Variants in CCNH observed in about 807,000 individuals in gnomAD.
CCNH encodes cyclin H.
Under a neutral mutation model 41.9 loss-of-function variants are expected in CCNH, and 31 were observed. The ratio of observed to expected loss-of-function variants is 0.74; its 90% CI spans 0.56 to 1.00. CCNH has a LOEUF of 1.00. CCNH is among the 50% of genes least tolerant of loss of function. The pLI is 0.00. For missense variants in CCNH, 362 were observed against 388.4 expected (o/e 0.93, Z 0.57); for synonymous variants, 138 against 136.1 (o/e 1.01, Z -0.10).
chr5:87,327,408 T>C (rs865856829), intron 9 of CCNH, among the ~76,000 whole-genome samples: 1 of 152,220 alleles, frequency 6.6e-6, no homozygotes, highest in Middle Eastern at 3.2e-3. Flanking sequence ...GAGGTTGAGA[T>C]AGAAATTAAT....
intron 9 of CCNH, among the ~76,000 whole-genome samples, chr5:87,335,419 GTTTTTTT>G (rs34986349): frequency 8.2e-5 from 6 of 72,888 alleles, no homozygotes; most frequent in African/African-American, 3.3e-4. Flanking sequence ...AAAGAATGAG[GTTTTTTT>G]TTTTTTTTTT....
chr5:87,387,786 A>G (rs891486288), downstream of CCNH, among the ~76,000 whole-genome samples: 1 of 152,174 alleles, frequency 6.6e-6, no homozygotes, highest in Admixed American at 6.5e-5. Flanking sequence ...CTCCATATTT[A>G]TAGTGAAATT....
rs777089189 is a variant in CCNH at position 87,401,778 on chromosome 5, A to G, written c.690-6T>C. ...TCAGACTCTCTGATAAATAACTAGT[A>G]AAGAAAAGAAAAAAAAATCTATTGA... On this transcript the variant is annotated splice_polypyrimidine_tract_variant and splice_region_variant and intron_variant, in intron 5 of 8. Coordinates refer to ENST00000256897, the MANE Select transcript of CCNH (RefSeq NM_001239.4). 3 of 1,528,078 alleles carry G rather than the reference A, an allele frequency of 2.0e-6. No homozygotes were observed. In the African/African-American group the frequency reaches 4.2e-5, roughly 21 times the overall value. The allele number at this position is 1,528,078 out of a possible 1,614,324, so 94.7% of individuals were successfully genotyped here.
intron 9 of CCNH, chr5:87,366,507 G>A: frequency 4.9e-6 from 1 of 203,122 alleles, no homozygotes; most frequent in Non-Finnish European, 1.1e-5. Context: ...TTAGTAACAA[G>A]AAAGGAGTTT....
At chr5:87,376,569 T>C (rs1434180714) in exon 1 of CCNH, 1 of 1,611,154 alleles carries the variant, frequency 6.2e-7, no homozygotes, top group Non-Finnish European at 8.5e-7. Flanking sequence ...TAAAGAGGTA[T>C]TAAATTATTT....
At chr5:87,353,105 G>A in intron 9 of CCNH, 1 of 1,422,832 alleles carries the variant, frequency 7.0e-7, no homozygotes. Flanking sequence ...TATTTTTAAA[G>A]ATTTTGCAGT....
intron 7 of CCNH, 44 bp downstream of exon 7, chr5:87,399,350 G>T: frequency 7.3e-7 from 1 of 1,361,728 alleles, no homozygotes; most frequent in Non-Finnish European, 1.1e-6. Flanking sequence ...AGCTGGACTG[G>T]ATAACAGTTA....
intron 9 of CCNH, among the ~76,000 whole-genome samples, chr5:87,366,821 CAG>C (rs1760558713): frequency 6.6e-6 from 1 of 152,102 alleles, no homozygotes; most frequent in Non-Finnish European, 1.5e-5. Flanking sequence ...CGCTTAAGCT[CAG>C]GGGTTGGAGA....
At chr5:87,387,534 G>GT (rs1391718396), downstream of CCNH, among the ~76,000 whole-genome samples, 1 of 152,110 alleles carries the variant, frequency 6.6e-6, no homozygotes, top group Non-Finnish European at 1.5e-5. Flanking sequence ...AAACTTATTA[G>GT]TAATTCAGTT....
intron 4 of CCNH, 84 bp from the exon 5 acceptor site, chr5:87,405,091 T>A: frequency 1.1e-6 from 1 of 910,460 alleles, no homozygotes; most frequent in South Asian, 1.6e-5. Flanking sequence ...CAACTCCTAT[T>A]AAGAAATATA....
downstream of CCNH, chr5:87,392,925 A>G (rs1762621906): frequency 1.3e-5 from 2 of 152,314 alleles, no homozygotes; most frequent in African/African-American, 4.8e-5. Flanking sequence ...AAATGAGACA[A>G]ATTGTGAACA....
At chr5:87,362,634 T>C (rs1760200145) in intron 9 of CCNH, 1 of 1,602,868 alleles carries the variant, frequency 6.2e-7, no homozygotes, top group South Asian at 1.1e-5. Flanking sequence ...ATGCCTTTTA[T>C]AAAAACATTG....
In CCNH at chr5:87,338,536, A is replaced by ATATATTTT; in HGVS notation, c.*91-19640_*91-19639insAAAATATA. Reference sequence around the variant, plus strand: ...ATATATATATATATATATATATAAAATTTTTTTTTTTTTTAAGTAGAAATG... The same window carrying ATATATTTT: ...ATATATATATATATATATATATAAAATATATTTTTTTTTTTTTTTTTTAAGTAGAAATG... On this transcript the variant is annotated intron_variant and NMD_transcript_variant, in intron 9 of 9. Transcript: ENST00000645953. Among the ~76,000 whole-genome samples, 139 of 85,196 alleles carry ATATATTTT rather than the reference A, an allele frequency of 1.6e-3. 6 individuals are homozygous for ATATATTTT. Among genetic ancestry groups the ATATATTTT allele is most frequent in the East Asian group, 3.9e-3 (8 of 2,028 alleles). The allele number at this position is 85,196 out of a possible 152,430, so 55.9% of individuals were successfully genotyped here.
intron 8 of CCNH, chr5:87,394,750 A>T (rs1424444839): frequency 1.5e-6 from 2 of 1,327,672 alleles, no homozygotes; most frequent in Non-Finnish European, 1.9e-6. Context: ...TTTTTTTAAA[A>T]GGGGGTAAGG....
intron 9 of CCNH, among the ~76,000 whole-genome samples, chr5:87,360,500 T>A (rs1580350686): frequency 6.6e-6 from 1 of 152,206 alleles, no homozygotes; most frequent in Non-Finnish European, 1.5e-5. Flanking sequence ...TATTTTTGTT[T>A]AGATTTTAAA....
At chr5:87,390,696 A>G, downstream of CCNH, 2 of 859,286 alleles carry the variant, frequency 2.3e-6, no homozygotes, top group Non-Finnish European at 3.9e-6. Context: ...GTAATATTTT[A>G]TGCATCCTTT....
At chr5:87,385,953 C>T (rs763852191) in intron 9 of CCNH, among the ~76,000 whole-genome samples, 22 of 151,954 alleles carry the variant, frequency 1.4e-4, no homozygotes, top group Admixed American at 6.6e-5. Context: ...CATACATTTC[C>T]TTTCATACTT....
intron 3 of CCNH, 94 bp from the exon 4 acceptor site, chr5:87,408,280 A>G (rs1763954025): frequency 5.1e-6 from 3 of 593,858 alleles, no homozygotes; most frequent in Non-Finnish European, 5.6e-6. Context: ...TTTATTTCTA[A>G]AAGTATATTC....
intron 6 of CCNH, among the ~76,000 whole-genome samples, 185 bp downstream of exon 6, chr5:87,401,511 CACTACT>C (rs1412657972): frequency 6.6e-6 from 1 of 152,134 alleles, no homozygotes; most frequent in African/African-American, 2.4e-5. Context: ...TATAAATGAA[CACTACT>C]TCCTTCTATA....
Sources: allele counts gnomAD v4.1 joint callset (sites outside exome capture counted in the v4.1 genomes callset), GRCh38; gene constraint gnomAD v4.1.1; transcripts MANE v1.5; gene names NCBI Gene and HGNC (gene_info 2026-07-23, HGNC 2026-07-21).